SLC22A12: variants seen among roughly 807,000 people sequenced by gnomAD.
The protein encoded by SLC22A12 is organic anion transporter 4-like protein.
In SLC22A12, 56 loss-of-function variants were observed where a neutral mutation model predicts 52.7. The observed-to-expected ratio is 1.06, with a 90% CI of 0.86 to 1.33. The LOEUF (loss-of-function observed/expected upper bound fraction) is 1.33. Ranked by LOEUF, SLC22A12 falls within the 40% of genes most tolerant of loss-of-function variation. The probability of loss-of-function intolerance (pLI) is 0.00; values close to 1 mark genes in which losing one functional copy is unlikely to be tolerated. For missense variants in SLC22A12, 683 were observed against 741.5 expected (o/e 0.92, Z 0.92); for synonymous variants, 337 against 324.6 (o/e 1.04, Z -0.41).
chr11:64,599,617 T>TCCCCCCCCCCCCCCCCCC, intron 6 of SLC22A12, 59 bp from the exon 7 acceptor site: 1 of 17,020 alleles, frequency 5.9e-5, no homozygotes, highest in Non-Finnish European at 9.7e-5. Context: ...GTTCCCACCC[T>TCCCCCCCCCCCCCCCCCC]GCCCACCACC....
intron 6 of SLC22A12, 52 bp downstream of exon 6, chr11:64,598,975 C>A: frequency 6.3e-7 from 1 of 1,597,670 alleles, no homozygotes. Context: ...GGAATCGGGG[C>A]TCTCGCTGGC....
chr11:64,600,188 C>T (rs941807137), intron 7 of SLC22A12, among the ~76,000 whole-genome samples, 179 bp from the exon 8 acceptor site: 1 of 152,138 alleles, frequency 6.6e-6, no homozygotes, highest in South Asian at 2.1e-4. Context: ...GGTGTCTGAG[C>T]GTGGAGCAGA....
In SLC22A12 at chr11:64,601,692, C is replaced by A. The variant is rs1217697385; in HGVS notation, c.*141C>A. On this transcript the variant is annotated 3_prime_UTR_variant, in exon 10 of 10. Transcript: ENST00000377574. ...GGTCCCCACTCTCCCCCAGGGCTGC[C>A]CCTCCAGGTGAGCCCTGCCCCTCTC... is the stretch of plus-strand genomic sequence containing the variant. 1.5e-5 allele frequency: 14 copies of A among 912,804 alleles called. No individual in the cohort carries two copies. Among genetic ancestry groups the A allele is most frequent in the Non-Finnish European group, 2.4e-5 (14 of 575,986 alleles). The allele number at this position is 912,804 out of a possible 1,614,324, so 56.5% of individuals were successfully genotyped here.
At chr11:64,595,245 G>GA (rs1554987498) in intron 4 of SLC22A12, among the ~76,000 whole-genome samples, 1 of 113,554 alleles carries the variant, frequency 8.8e-6, no homozygotes. Context: ...TGGATGGATG[G>GA]ATGGATGGAA....
intron 4 of SLC22A12, 137 bp from the exon 5 acceptor site, chr11:64,598,379 A>G: frequency 7.9e-7 from 1 of 1,265,872 alleles, no homozygotes; most frequent in Non-Finnish European, 1.1e-6. Context: ...CTTGGCTGCC[A>G]CAACGCCCTT....
rs1591385879 is a variant in SLC22A12 at position 64,591,610 on chromosome 11, T to C, written c.54T>C (p.Val18=). 1 of 1,613,192 alleles carries C rather than the reference T, an allele frequency of 6.2e-7. No homozygotes were observed. Among genetic ancestry groups the C allele is most frequent in the Non-Finnish European group, 8.5e-7 (1 of 1,180,024 alleles). ...TGGGTGGCCTGGGCAGGTTCCAGGT[T>C]CTCCAGACGATGGCTCTGATGGTCT... ...DLVGGLGRFQ[V]LQTMALMVSI... is the part of the protein sequence containing the mutation. Residue 18 remains valine (V), a synonymous_variant, in exon 1 of 10, where the codon GTT becomes GTC. Coordinates refer to ENST00000377574, the MANE Select transcript of SLC22A12 (RefSeq NM_144585.4).
At chr11:64,599,042 C>G (rs1591400978) in intron 6 of SLC22A12, 119 bp downstream of exon 6, 1 of 1,394,414 alleles carries the variant, frequency 7.2e-7, no homozygotes, top group East Asian at 2.5e-5. Flanking sequence ...AACACCGACA[C>G]CTTCCCCTCT....
rs760851687 is a variant in SLC22A12, at chr11:64,592,827, A to C, written c.451A>C (p.Ile151Leu). Reference protein sequence around the residue: ...SHALKPMAQSIYLAGILVGAA... With the variant: ...SHALKPMAQSLYLAGILVGAA... ...TGCTCTGAAGCCCATGGCCCAGTCC[A>C]TCTACCTGGCTGGGATTCTGGTGGG... is the stretch of plus-strand genomic sequence containing the variant. Residue 151 changes from isoleucine (I) to leucine (L), a missense_variant, in exon 2 of 10, where the codon ATC becomes CTC. Physicochemically the swap from Ile to Leu is conservative, Grantham distance 5 (BLOSUM62 2). Transcript: ENST00000377574. 4 of 1,613,914 alleles carry C rather than the reference A, an allele frequency of 2.5e-6. No homozygotes were observed. Among genetic ancestry groups the C allele is most frequent in the Admixed American group, 1.7e-5 (1 of 60,014 alleles).
chr11:64,601,045 C>T, intron 9 of SLC22A12, 107 bp downstream of exon 9: 3 of 1,409,966 alleles, frequency 2.1e-6, no homozygotes, highest in Non-Finnish European at 2.9e-6. Context: ...GAAGCAGAGG[C>T]CCAGACAGAT....
chr11:64,596,893 T>C (rs1242676761), intron 4 of SLC22A12, among the ~76,000 whole-genome samples: 1 of 152,164 alleles, frequency 6.6e-6, no homozygotes, highest in African/African-American at 2.4e-5. Context: ...GTAGACGTGC[T>C]CCCACAGGGC....
chr11:64,592,023 G>A, intron 1 of SLC22A12, 65 bp downstream of exon 1: 1 of 1,577,946 alleles, frequency 6.3e-7, no homozygotes, highest in East Asian at 2.3e-5. Flanking sequence ...ATCACGGTGG[G>A]TCAGACTCAA....
At chr11:64,595,329 GGA>G (rs2039117786) in intron 4 of SLC22A12, among the ~76,000 whole-genome samples, 1 of 131,506 alleles carries the variant, frequency 7.6e-6, no homozygotes, top group Admixed American at 7.4e-5. Flanking sequence ...ATGGATGGAT[GGA>G]TGGTTGAATG....
chr11:64,600,331 C>A (rs1180782692), intron 7 of SLC22A12, 36 bp from the exon 8 acceptor site: 1 of 1,506,602 alleles, frequency 6.6e-7, no homozygotes, highest in Admixed American at 1.8e-5. Context: ...ATCTTGGGCC[C>A]CCCACCAAGC....
chr11:64,596,247 AATGGATGGATGGATGGATGG>A (rs1437730772), intron 4 of SLC22A12, among the ~76,000 whole-genome samples: 3 of 32,906 alleles, frequency 9.1e-5, no homozygotes, highest in African/African-American at 3.0e-4. Context: ...GGATGGATGG[AATGGATGGATGGATGGATGG>A]ATGGATGGAT....
At chr11:64,593,297 C>A in intron 2 of SLC22A12, 108 bp from the exon 3 acceptor site, 1 of 1,549,348 alleles carries the variant, frequency 6.5e-7, no homozygotes, top group Non-Finnish European at 8.8e-7. Context: ...CTTCAGTGTC[C>A]GCCTCAGCTC....
intron 4 of SLC22A12, among the ~76,000 whole-genome samples, chr11:64,595,994 A>AATGG (rs1185012477): frequency 0.014 from 491 of 34,134 alleles, 10 homozygotes; most frequent in African/African-American, 0.024. Flanking sequence ...GAATAGATGG[A>AATGG]ATGGATGGAT....
At position 64,600,795 on chromosome 11, in the gene SLC22A12, G is replaced by A; in HGVS notation, c.1455G>A (p.Leu485=). ...AARGGAILGP[L]VRLLGVHGPW... is the part of the protein sequence containing the mutation. ...GTGGAGGAGCCATCCTGGGGCCTCT[G>A]GTCCGGCTGCTGGGTGTCCATGGCC... The change falls in exon 9 of 10, where the codon CTG becomes CTA. Residue 485 remains leucine, a synonymous_variant. Transcript: ENST00000377574. 2 of 1,606,086 alleles carry A rather than the reference G, an allele frequency of 1.2e-6. No individual in the cohort carries two copies. The highest frequency in any genetic ancestry group is 1.7e-6 in the Non-Finnish European group (2 of 1,179,912).
In SLC22A12 at chr11:64,593,492, G is replaced by A. The variant is rs763355732; in HGVS notation, c.594G>A (p.Val198=). 4.3e-6 allele frequency: 7 copies of A among 1,614,156 alleles called. No homozygotes were observed. Among genetic ancestry groups the A allele is most frequent in the Non-Finnish European group, 5.1e-6 (6 of 1,180,038 alleles). The change falls in exon 3 of 10, where the codon GTG becomes GTA. Residue 198 remains valine, a synonymous_variant. Transcript: ENST00000377574. ...CTGCCTTCGCCCCTGCCTTCCCCGT[G>A]TACTGCCTGTTCCGCTTCCTGTTGG... is the stretch of plus-strand genomic sequence containing the variant. ...TAAAFAPAFP[V]YCLFRFLLAF... is the part of the protein sequence containing the mutation.
At position 64,601,724 on chromosome 11, in the gene SLC22A12, C is replaced by CAAGGGGCCCCCTTCAATACTG. The variant is rs2039460601; in HGVS notation, c.*180_*200dup. On this transcript the variant is annotated 3_prime_UTR_variant, in exon 10 of 10. Coordinates refer to ENST00000377574, the MANE Select transcript of SLC22A12 (RefSeq NM_144585.4). ...GGTGAGCCCTGCCCCTCTCACAGTC[C>CAAGGGGCCCCCTTCAATACTG]AAGGGGCCCCCTTCAATACTGAAGG... 2 of 688,302 alleles carry CAAGGGGCCCCCTTCAATACTG rather than the reference C, an allele frequency of 2.9e-6. No individual in the cohort carries two copies. Among genetic ancestry groups the CAAGGGGCCCCCTTCAATACTG allele is most frequent in the South Asian group, 3.3e-5 (2 of 60,990 alleles). The allele number at this position is 688,302 out of a possible 1,614,324, so 42.6% of individuals were successfully genotyped here. A position where few individuals can be genotyped will look rare whatever the true frequency, so the allele number is the denominator to read the frequency against.
Sources: allele counts gnomAD v4.1 joint callset (sites outside exome capture counted in the v4.1 genomes callset), GRCh38; gene constraint gnomAD v4.1.1; transcripts MANE v1.5; gene names NCBI Gene and HGNC (gene_info 2026-07-23, HGNC 2026-07-21).